The following NTNG1 variants were observed in gnomAD, a reference collection of about 807,000 sequenced individuals.
The protein encoded by NTNG1 is netrin G1, also known as netrin-G1.
A neutral mutation model predicts 54.0 loss-of-function variants in NTNG1; 16 were observed. The observed-to-expected ratio is 0.30, with a 90% CI of 0.20 to 0.45. The LOEUF (loss-of-function observed/expected upper bound fraction) is 0.45, where lower values mean the gene tolerates loss of function less well. Ranked by LOEUF, NTNG1 falls within the 20% of genes least tolerant of loss-of-function variation. The probability of loss-of-function intolerance (pLI) is 1.00; values close to 1 mark genes in which losing one functional copy is unlikely to be tolerated. For synonymous variants in NTNG1, 255 were observed against 263.1 expected, an observed-to-expected ratio of 0.97 and a Z score of 0.30; for missense variants, 530 against 678.7, an observed-to-expected ratio of 0.78 and a Z score of 2.43.
chr1:107,162,936 A>T (rs1005841024), intron 2 of NTNG1, among the ~76,000 whole-genome samples: 6 of 152,200 alleles, frequency 3.9e-5, no homozygotes, highest in Admixed American at 2.0e-4. Flanking sequence ...CCTGAGGGTG[A>T]TGTGTAACTG....
chr1:107,376,744 C>A (rs6662274), intron 3 of NTNG1, among the ~76,000 whole-genome samples: 56,792 of 152,006 alleles, frequency 0.37, 11,186 homozygotes, highest in East Asian at 0.8. Flanking sequence ...CATAGTATCT[C>A]GAGTGAACCT....
chr1:107,280,503 C>T (rs1172916677), intron 2 of NTNG1, among the ~76,000 whole-genome samples: 1 of 151,270 alleles, frequency 6.6e-6, no homozygotes, highest in Non-Finnish European at 1.5e-5. Context: ...TTTTGTTTGT[C>T]TTGACTTTTC....
intron 2 of NTNG1, among the ~76,000 whole-genome samples, chr1:107,289,133 C>T (rs1665408719): frequency 6.6e-6 from 1 of 152,084 alleles, no homozygotes; most frequent in South Asian, 2.1e-4. Flanking sequence ...TTCAACTTTC[C>T]ACCATCAAAT....
intron 5 of NTNG1, chr1:107,410,702 A>C (rs546818859): frequency 2.6e-5 from 4 of 152,124 alleles, no homozygotes; most frequent in African/African-American, 7.2e-5. Flanking sequence ...ATCCAAGTGA[A>C]TATTTGTTGC....
At chr1:107,354,644 G>A (rs1669833613) in intron 3 of NTNG1, among the ~76,000 whole-genome samples, 1 of 152,044 alleles carries the variant, frequency 6.6e-6, no homozygotes, top group Admixed American at 6.5e-5. Context: ...ATTCATTTCT[G>A]CTGAAGCTCA....
intron 4 of NTNG1, 66 bp downstream of exon 4, chr1:107,395,392 G>A: frequency 7.0e-7 from 1 of 1,419,586 alleles, no homozygotes; most frequent in Non-Finnish European, 1.0e-6. Context: ...TCTCAATTTT[G>A]CTTACAATTG....
At chr1:107,332,581 T>C (rs1293807216) in intron 3 of NTNG1, among the ~76,000 whole-genome samples, 1 of 151,812 alleles carries the variant, frequency 6.6e-6, no homozygotes, top group Non-Finnish European at 1.5e-5. Flanking sequence ...AGGATCAGAG[T>C]TTTTTCTTAA....
At chr1:107,373,951 C>T (rs530939518) in intron 3 of NTNG1, among the ~76,000 whole-genome samples, 117 of 152,282 alleles carry the variant, frequency 7.7e-4, no homozygotes, top group South Asian at 1.9e-3. Context: ...ATCCTCCTGC[C>T]TCGGCCTCTG....
intron 2 of NTNG1, among the ~76,000 whole-genome samples, chr1:107,178,708 G>A (rs552788483): frequency 6.6e-6 from 1 of 152,216 alleles, no homozygotes; most frequent in African/African-American, 2.4e-5. Flanking sequence ...AATTCAGAAG[G>A]CACAGTTAGA....
intron 4 of NTNG1, among the ~76,000 whole-genome samples, chr1:107,400,821 T>G (rs560469569): frequency 6.6e-6 from 1 of 152,176 alleles, no homozygotes; most frequent in Admixed American, 6.5e-5. Flanking sequence ...GCTAATTTTT[T>G]GTATTTTTAG....
At chr1:107,183,904 C>T (rs1159127940) in intron 2 of NTNG1, among the ~76,000 whole-genome samples, 4 of 152,082 alleles carry the variant, frequency 2.6e-5, no homozygotes, top group African/African-American at 7.2e-5. Flanking sequence ...CCTATGTGAT[C>T]CCCCTCCCTT....
chr1:107,274,056 TA>T (rs1664318658), intron 2 of NTNG1, among the ~76,000 whole-genome samples: 1 of 152,192 alleles, frequency 6.6e-6, no homozygotes, highest in Non-Finnish European at 1.5e-5. Context: ...GTCACCCTAT[TA>T]AGGAGTATAT....
At chr1:107,360,480 T>C (rs1670197197) in intron 3 of NTNG1, among the ~76,000 whole-genome samples, 1 of 152,044 alleles carries the variant, frequency 6.6e-6, no homozygotes, top group African/African-American at 2.4e-5. Context: ...GAAATTAAGG[T>C]AGGAGAGATG....
chr1:107,301,220 C>T (rs1247591507), intron 2 of NTNG1, among the ~76,000 whole-genome samples: 2 of 152,128 alleles, frequency 1.3e-5, no homozygotes, highest in African/African-American at 2.4e-5. Context: ...AAGGGGCATA[C>T]ATTTACATTA....
At chr1:107,222,905 T>A (rs17448154) in intron 2 of NTNG1, among the ~76,000 whole-genome samples, 9,394 of 149,322 alleles carry the variant, frequency 0.063, 389 homozygotes, top group Middle Eastern at 0.11. Context: ...AGTAGCAAGC[T>A]CAACCAACAT....
chr1:107,378,584 G>A (rs940351529), intron 3 of NTNG1, among the ~76,000 whole-genome samples: 25 of 152,190 alleles, frequency 1.6e-4, no homozygotes, highest in African/African-American at 4.6e-4. Context: ...TGTTAAACCT[G>A]ACTCACCAAT....
At chr1:107,323,209 AT>A (rs1667752625) in intron 2 of NTNG1, among the ~76,000 whole-genome samples, 2 of 152,088 alleles carry the variant, frequency 1.3e-5, no homozygotes, top group African/African-American at 4.8e-5. Flanking sequence ...CATGCTCATA[AT>A]AACTGAGTAC....
chr1:107,202,927 C>G (rs1448141371), intron 2 of NTNG1, among the ~76,000 whole-genome samples: 1 of 151,542 alleles, frequency 6.6e-6, no homozygotes, highest in African/African-American at 2.4e-5. Context: ...GTTCTTTTAC[C>G]TAGAAAAATG....
At chr1:107,380,341 G>T (rs1434588772) in intron 3 of NTNG1, among the ~76,000 whole-genome samples, 2 of 152,156 alleles carry the variant, frequency 1.3e-5, no homozygotes, top group African/African-American at 4.8e-5. Flanking sequence ...AATAGGACTT[G>T]GGGGAGATGG....
Sources: gnomAD v4.1 joint callset for allele counts (sites outside exome capture counted in the v4.1 genomes callset) on GRCh38, gnomAD v4.1.1 for gene constraint, MANE v1.5 for transcripts, NCBI Gene and HGNC (gene_info 2026-07-23, HGNC 2026-07-21) for gene names.